Variants in PCYOX1 observed in about 807,000 individuals in gnomAD.
PCYOX1 encodes prenylcysteine oxidase 1, also known as prenylcysteine lyase.
A neutral mutation model predicts 46.4 loss-of-function variants in PCYOX1; 46 were observed. The ratio of observed to expected loss-of-function variants is 0.99; its 90% CI spans 0.78 to 1.27. The LOEUF is 1.27. Among genes scored for constraint, PCYOX1 ranks in the 50% most tolerant of loss-of-function variants. The pLI is 0.00. For missense variants in PCYOX1, 658 were observed against 628.3 expected (o/e 1.05, Z -0.51); for synonymous variants, 220 against 231.8 (o/e 0.95, Z 0.46).
intron 5 of PCYOX1, among the ~76,000 whole-genome samples, chr2:70,276,291 T>TC (rs1696670698): frequency 2.0e-5 from 3 of 151,496 alleles, no homozygotes. Flanking sequence ...TGCCTCAGCG[T>TC]CCCGAGTAGC....
In PCYOX1 at chr2:70,275,010, A is replaced by G. The variant is rs752256713; in HGVS notation, c.546A>G (p.Leu182=). The G allele has an allele frequency of 1.2e-6, 2 of 1,613,732 alleles. No homozygotes were observed. The highest frequency in any genetic ancestry group is 1.7e-6 in the Non-Finnish European group (2 of 1,179,558). ...HDYAFSSVEK[L]LHALGGDDFL... is the part of the protein sequence containing the mutation. The stretch of plus-strand genomic sequence containing the variant: ...ATGCCTTCAGTAGTGTCGAAAAATT[A>G]CTTCATGCTCTAGGAGGAGATGACT... Residue 182 remains leucine, a synonymous_variant, in exon 4 of 6, where the codon TTA becomes TTG. Coordinates refer to ENST00000433351, the MANE Select transcript of PCYOX1 (RefSeq NM_016297.4).
Position 70,275,161 on chromosome 2 carries a change from G to A in PCYOX1, c.697G>A (p.Ala233Thr), listed in dbSNP as rs1696652908. ...TTATGGCCAAAGCACGGACATCAAT[G>A]CCTTTGTGGGTAAGCCAGGGCTTGA... ...VNYGQSTDIN[A>T]FVGAVSLSCS... is the part of the protein sequence containing the mutation. The change falls in exon 4 of 6, where the codon GCC (alanine) becomes ACC (threonine). Residue 233 changes from alanine to threonine, a missense_variant. By Grantham distance (58) the Ala-to-Thr change is moderately conservative (BLOSUM62 0). Transcript: ENST00000433351. 1.2e-6 allele frequency: 2 copies of A among 1,612,456 alleles called. No individual in the cohort carries two copies. Among genetic ancestry groups the A allele is most frequent in the African/African-American group, 2.7e-5 (2 of 74,890 alleles).
rs1401794872 is a variant in PCYOX1, at chr2:70,279,644, T to G, written c.*2252T>G. ...AATTGGCTGGACATGGTGGCGCATGTCTGTAATCCCAGCTACTGTAATCTC... is the reference window on the plus strand; with the variant it reads ...AATTGGCTGGACATGGTGGCGCATGGCTGTAATCCCAGCTACTGTAATCTC... On this transcript the variant is annotated 3_prime_UTR_variant, in exon 6 of 6. Transcript: ENST00000433351. The G allele has an allele frequency of 6.6e-6, 1 of 151,882 alleles. No individual in the cohort carries two copies. The highest frequency in any genetic ancestry group is 1.5e-5 in the Non-Finnish European group (1 of 68,026). 9.4% of individuals were successfully genotyped at this position (151,882 alleles called of 1,614,324 possible).
intron 3 of PCYOX1, among the ~76,000 whole-genome samples, chr2:70,264,645 G>A (rs1051134289): frequency 6.6e-6 from 1 of 151,894 alleles, no homozygotes; most frequent in Admixed American, 6.6e-5. Context: ...CACTTTTGAA[G>A]TGAATTCAAG....
intron 3 of PCYOX1, among the ~76,000 whole-genome samples, chr2:70,270,661 C>T (rs1696589380): frequency 6.6e-6 from 1 of 152,252 alleles, no homozygotes; most frequent in African/African-American, 2.4e-5. Context: ...TGGTCTATAT[C>T]ATCTTCTCAG....
chr2:70,271,982 T>G (rs1696606113), intron 3 of PCYOX1, among the ~76,000 whole-genome samples: 1 of 152,252 alleles, frequency 6.6e-6, no homozygotes, highest in Non-Finnish European at 1.5e-5. Flanking sequence ...TTTAAATTTA[T>G]TTTTTAGTTT....
At chr2:70,274,701 C>T in intron 3 of PCYOX1, 1 of 414,364 alleles carries the variant, frequency 2.4e-6, no homozygotes, top group South Asian at 2.4e-5. Context: ...GTAGCTGGGA[C>T]CACAGGCATA....
Position 70,280,458 on chromosome 2 carries a change from A to C in PCYOX1, c.*3066A>C, listed in dbSNP as rs902327772. 2 of 152,174 alleles carry C rather than the reference A, an allele frequency of 1.3e-5. No homozygotes were observed. The highest frequency in any genetic ancestry group is 4.8e-5 in the African/African-American group (2 of 41,434). The allele number at this position is 152,174 out of a possible 1,614,324, so 9.4% of individuals were successfully genotyped here. On this transcript the variant is annotated 3_prime_UTR_variant, in exon 6 of 6. Transcript: ENST00000433351. ...TGGCTCTCTGAGTTGAGCATGCATC[A>C]GTTACCTTAAGGGCTTGTTAAAACA...
intron 3 of PCYOX1, among the ~76,000 whole-genome samples, chr2:70,266,897 C>G (rs1018856550): frequency 6.6e-6 from 1 of 152,192 alleles, no homozygotes; most frequent in African/African-American, 2.4e-5. Flanking sequence ...TCCGATCTCT[C>G]CTTCCTTTCC....
intron 5 of PCYOX1, among the ~76,000 whole-genome samples, chr2:70,276,265 G>C (rs540088127): frequency 6.6e-6 from 1 of 151,778 alleles, no homozygotes; most frequent in Admixed American, 6.5e-5. Flanking sequence ...CGCCTCCCGG[G>C]TTCACGCCAT....
intron 3 of PCYOX1, among the ~76,000 whole-genome samples, chr2:70,272,985 A>G (rs113864712): frequency 1.1e-4 from 16 of 152,290 alleles, no homozygotes; most frequent in African/African-American, 3.8e-4. Context: ...GGCATGAGCC[A>G]CCATACCCAG....
In PCYOX1 at chr2:70,280,910, A is replaced by AG. The variant is rs1366972018; in HGVS notation, c.*3518_*3519insG. Reference sequence around the variant, plus strand: ...ATTTGCAGGCTTTTTATCAGATCACAAAAAAATCAGTCTTTAAGCATTTGC... The same window carrying AG: ...ATTTGCAGGCTTTTTATCAGATCACAGAAAAAATCAGTCTTTAAGCATTTGC... On this transcript the variant is annotated 3_prime_UTR_variant, in exon 6 of 6. Coordinates refer to ENST00000433351, the MANE Select transcript of PCYOX1 (RefSeq NM_016297.4). 7.5e-6 allele frequency: 1 copy of AG among 134,066 alleles called. No homozygotes were observed. The highest frequency in any genetic ancestry group is 2.9e-4 in the East Asian group (1 of 3,490). The allele number at this position is 134,066 out of a possible 1,614,324, so 8.3% of individuals were successfully genotyped here. A position where few individuals can be genotyped will look rare whatever the true frequency, so the allele number is the denominator to read the frequency against.
In PCYOX1 at chr2:70,277,433, A is replaced by C; in HGVS notation, c.*41A>C. The C allele has an allele frequency of 1.4e-6, 2 of 1,478,526 alleles. No individual in the cohort carries two copies. Among genetic ancestry groups the C allele is most frequent in the African/African-American group, 2.8e-5 (2 of 71,224 alleles). The allele number at this position is 1,478,526 out of a possible 1,614,324, so 91.6% of individuals were successfully genotyped here. A position where few individuals can be genotyped will look rare whatever the true frequency, so the allele number is the denominator to read the frequency against. ...TTTCCCCTCCTAGTTCCAAATGACT[A>C]TCAGTGGCAAAAAAGAACAAAATCT... is the stretch of plus-strand genomic sequence containing the variant. On this transcript the variant is annotated 3_prime_UTR_variant, in exon 6 of 6. Coordinates refer to ENST00000433351, the MANE Select transcript of PCYOX1 (RefSeq NM_016297.4).
At chr2:70,260,254 T>C (rs1259979505) in intron 2 of PCYOX1, among the ~76,000 whole-genome samples, 1 of 152,164 alleles carries the variant, frequency 6.6e-6, no homozygotes, top group East Asian at 1.9e-4. Context: ...GTCACTCACA[T>C]ATGGCCATGG....
At position 70,277,336 on chromosome 2, in the gene PCYOX1, C is replaced by T; in HGVS notation, c.1462C>T (p.His488Tyr). 1 of 1,613,730 alleles carries T rather than the reference C, an allele frequency of 6.2e-7. No individual in the cohort carries two copies. The highest frequency in any genetic ancestry group is 2.2e-5 in the East Asian group (1 of 44,864). Reference protein sequence around the residue: ...ALLAYHRWNGHTDMIDQDGLY... With the variant: ...ALLAYHRWNGYTDMIDQDGLY... ...CCTTGCCTATCACCGCTGGAACGGG[C>T]ACACAGACATGATTGATCAGGATGG... Residue 488 changes from histidine (H) to tyrosine (Y), a missense_variant, in exon 6 of 6, where the codon CAC becomes TAC. Transcript: ENST00000433351.
rs1696689839 is a variant in PCYOX1 at position 70,277,491 on chromosome 2, CA to C, written c.*100del. ...GATGATTTTGAACCAGATATTTTGC[CA>C]TTATCATTGTTTAATAAAAGTAATC... On this transcript the variant is annotated 3_prime_UTR_variant, in exon 6 of 6. Coordinates refer to ENST00000433351, the MANE Select transcript of PCYOX1 (RefSeq NM_016297.4). 1 of 1,007,074 alleles carries C rather than the reference CA, an allele frequency of 9.9e-7. No individual in the cohort carries two copies. The highest frequency in any genetic ancestry group is 2.4e-5 in the Admixed American group (1 of 42,080). The allele number at this position is 1,007,074 out of a possible 1,614,324, so 62.4% of individuals were successfully genotyped here. A position where few individuals can be genotyped will look rare whatever the true frequency, so the allele number is the denominator to read the frequency against.
intron 3 of PCYOX1, among the ~76,000 whole-genome samples, chr2:70,267,534 T>A (rs1429120835): frequency 6.6e-6 from 1 of 152,052 alleles, no homozygotes; most frequent in African/African-American, 2.4e-5. Context: ...CCGTCTGCAA[T>A]CCTGGCACCT....
At chr2:70,270,589 C>G (rs979412091) in intron 3 of PCYOX1, among the ~76,000 whole-genome samples, 1 of 152,216 alleles carries the variant, frequency 6.6e-6, no homozygotes, top group Non-Finnish European at 1.5e-5. Context: ...GCTTTTACCT[C>G]TACCGGAAAT....
At chr2:70,271,206 T>G (rs1573981864) in intron 3 of PCYOX1, among the ~76,000 whole-genome samples, 1 of 151,362 alleles carries the variant, frequency 6.6e-6, no homozygotes, top group Non-Finnish European at 1.5e-5. Context: ...TAGCTGGGAC[T>G]ACAGGCATGC....
Sources: allele counts gnomAD v4.1 joint callset (sites outside exome capture counted in the v4.1 genomes callset), GRCh38; gene constraint gnomAD v4.1.1; transcripts MANE v1.5; gene names NCBI Gene and HGNC (gene_info 2026-07-23, HGNC 2026-07-21).